Variants in CILP observed in about 807,000 individuals in gnomAD.
The protein encoded by CILP is cartilage intermediate layer protein 1.
In CILP, 75 loss-of-function variants were observed where a neutral mutation model predicts 82.5. That is an observed-to-expected ratio of 0.91 (90% CI 0.75 to 1.10). The LOEUF is 1.10. Ranked by LOEUF, CILP falls within the 50% of genes least tolerant of loss-of-function variation. The pLI is 0.00. For synonymous variants in CILP, 530 were observed against 580.3 expected (o/e 0.91, Z 1.25); for missense variants, 1,479 against 1,530.8 (o/e 0.97, Z 0.56).
rs117190294 is a variant in CILP at position 65,202,077 on chromosome 15, G to A, written c.1029-48C>T. The A allele has an allele frequency of 3.1e-4, 444 of 1,444,502 alleles. 1 individual carries two copies. Among genetic ancestry groups the A allele is most frequent in the East Asian group, 2.9e-3 (108 of 37,090 alleles). The allele number at this position is 1,444,502 out of a possible 1,614,324, so 89.5% of individuals were successfully genotyped here. Reference sequence around the variant, plus strand: ...ACCTGAATGGGCAGTGGGAGGGCAGGTATTCCTAGAAAAGTGCCAGGAGCA... The same window carrying A: ...ACCTGAATGGGCAGTGGGAGGGCAGATATTCCTAGAAAAGTGCCAGGAGCA... On this transcript the variant is annotated intron_variant, in intron 7 of 8. Coordinates refer to ENST00000261883, the MANE Select transcript of CILP (RefSeq NM_003613.4).
chr15:65,210,123 G>A (rs1474158019), intron 1 of CILP, among the ~76,000 whole-genome samples: 1 of 152,110 alleles, frequency 6.6e-6, no homozygotes, highest in African/African-American at 2.4e-5. Context: ...GCAGGGGCGA[G>A]GAGGTTCCTT....
chr15:65,206,502 T>A (rs931751007), intron 4 of CILP, among the ~76,000 whole-genome samples: 1 of 152,168 alleles, frequency 6.6e-6, no homozygotes, highest in Non-Finnish European at 1.5e-5. Context: ...GAGCCTGTGG[T>A]CTTCACCATG....
intron 8 of CILP, among the ~76,000 whole-genome samples, chr15:65,201,002 T>G (rs1235667348): frequency 9.3e-6 from 1 of 108,106 alleles, no homozygotes; most frequent in Admixed American, 9.1e-5. Flanking sequence ...TTTCTTTTCT[T>G]CTTCTTCTTT....
intron 4 of CILP, 49 bp from the exon 5 acceptor site, chr15:65,205,515 C>T (rs1338601487): frequency 6.6e-7 from 1 of 1,516,042 alleles, no homozygotes; most frequent in African/African-American, 1.4e-5. Flanking sequence ...TGAGGGAACT[C>T]TGTCAGGAAA....
In CILP at chr15:65,207,687, C is replaced by T; in HGVS notation, c.139G>A (p.Ala47Thr). ...CACAACTCACTCTCCAGGGTGTCGGCAGGCTTGGCAAAGATGCTGGGGTTC... is the reference window on the plus strand; with the variant it reads ...CACAACTCACTCTCCAGGGTGTCGGTAGGCTTGGCAAAGATGCTGGGGTTC... The part of the protein sequence containing the change: ...KKNPSIFAKP[A>T]DTLESPGEWT... The change falls in exon 3 of 9, where the codon GCC becomes ACC. Residue 47 changes from alanine (A) to threonine (T), a missense_variant. By Grantham distance (58) the Ala-to-Thr change is moderately conservative. Transcript: ENST00000261883. 6.2e-7 allele frequency: 1 copy of T among 1,614,140 alleles called. No homozygotes were observed. The highest frequency in any genetic ancestry group is 1.6e-4 in the Middle Eastern group (1 of 6,062).
Position 65,198,731 on chromosome 15 carries a change from T to G in CILP, c.1555A>C (p.Met519Leu), listed in dbSNP as rs776756867. The change falls in exon 9 of 9, where the codon ATG (methionine) becomes CTG (leucine). Residue 519 changes from methionine (M) to leucine (L), a missense_variant. Met to Leu is a conservative substitution (Grantham distance 15, BLOSUM62 2). Coordinates refer to ENST00000261883, the MANE Select transcript of CILP (RefSeq NM_003613.4). ...GTGAAAGTGCCCTTGTAGCCAGTCA[T>G]GCTTACACGGCTGTTCCCCATGTAC... ...HVYMGNSRVS[M>L]TGYKGTFTLH... is the part of the protein sequence containing the mutation. The G allele has an allele frequency of 1.2e-6, 2 of 1,614,084 alleles. No individual in the cohort carries two copies. Among genetic ancestry groups the G allele is most frequent in the Middle Eastern group, 1.6e-4 (1 of 6,084 alleles).
rs1319387503 is a variant in CILP at position 65,198,039 on chromosome 15, G to A, written c.2247C>T (p.Ser749=). ...CCCTCACCTTAACAAAGCACCGCCTGCTTTCAGGAACATCCAGGTTAAAGA... is the reference window on the plus strand; with the variant it reads ...CCCTCACCTTAACAAAGCACCGCCTACTTTCAGGAACATCCAGGTTAAAGA... The part of the protein sequence containing the change: ...RRLFNLDVPE[S]RRCFVKVRAY... Residue 749 remains serine, a synonymous_variant, in exon 9 of 9, where the codon AGC becomes AGT. Transcript: ENST00000261883. 1 of 1,614,228 alleles carries A rather than the reference G, an allele frequency of 6.2e-7. No homozygotes were observed. The highest frequency in any genetic ancestry group is 8.5e-7 in the Non-Finnish European group (1 of 1,180,040).
chr15:65,201,841 C>T (rs2088458942), intron 8 of CILP, 31 bp downstream of exon 8: 1 of 1,452,682 alleles, frequency 6.9e-7, no homozygotes, highest in Non-Finnish European at 9.1e-7. Flanking sequence ...TGTTGCAGAC[C>T]CAGGGGCCCC....
At position 65,198,434 on chromosome 15, in the gene CILP, C is replaced by T. The variant is rs1208182130; in HGVS notation, c.1852G>A (p.Gly618Arg). 1 of 1,614,218 alleles carries T rather than the reference C, an allele frequency of 6.2e-7. No individual in the cohort carries two copies. The highest frequency in any genetic ancestry group is 8.5e-7 in the Non-Finnish European group (1 of 1,180,032). ...AAGGTCACACTGGCCTTCACTTTTCCTATGTAGGGCTCCCCATTCTGCCTG... is the reference window on the plus strand; with the variant it reads ...AAGGTCACACTGGCCTTCACTTTTCTTATGTAGGGCTCCCCATTCTGCCTG... The part of the protein sequence containing the change: ...FYRQNGEPYI[G>R]KVKASVTFLD... Residue 618 changes from glycine (G) to arginine (R), a missense_variant, in exon 9 of 9, where the codon GGA becomes AGA. Coordinates refer to ENST00000261883, the MANE Select transcript of CILP (RefSeq NM_003613.4).
chr15:65,206,867 G>A lies in CILP; in HGVS notation c.339C>T (p.Pro113=). ...GSTGQVVHGS[P]REGFWCLNRE... ...TGTTGAGGCACCAGAAACCCTCACG[G>A]GGACTACCATGGACCACCTGGCCAG... Residue 113 remains proline, a synonymous_variant, in exon 4 of 9, where the codon CCC becomes CCT. Transcript: ENST00000261883. The A allele has an allele frequency of 6.2e-7, 1 of 1,614,054 alleles. No individual in the cohort carries two copies. Among genetic ancestry groups the A allele is most frequent in the Non-Finnish European group, 8.5e-7 (1 of 1,180,014 alleles).
At chr15:65,210,256 G>A (rs1402855406) in intron 1 of CILP, among the ~76,000 whole-genome samples, 1 of 152,162 alleles carries the variant, frequency 6.6e-6, no homozygotes, top group Non-Finnish European at 1.5e-5. Flanking sequence ...TCACACAGGC[G>A]GGTACATATT....
chr15:65,206,442 G>T (rs999718565), intron 4 of CILP, among the ~76,000 whole-genome samples: 1 of 152,108 alleles, frequency 6.6e-6, no homozygotes, highest in Non-Finnish European at 1.5e-5. Flanking sequence ...TTGTCTAGGG[G>T]ACACATCATA....
chr15:65,207,720 C>G lies in CILP; in HGVS notation c.106G>C (p.Gly36Arg). ...GCAAAGATGCTGGGGTTCTTCTTCCCAGGCTGGACTCTTCTTACTGACTGG... is the reference window on the plus strand; with the variant it reads ...GCAAAGATGCTGGGGTTCTTCTTCCGAGGCTGGACTCTTCTTACTGACTGG... ...LTQSVRRVQPGKKNPSIFAKP... is the reference protein window; with the variant it reads ...LTQSVRRVQPRKKNPSIFAKP... The change falls in exon 3 of 9, where the codon GGG (glycine) becomes CGG (arginine). Residue 36 changes from glycine (G) to arginine (R), a missense_variant. By Grantham distance (125) the Gly-to-Arg change is moderately radical (BLOSUM62 -2). Coordinates refer to ENST00000261883, the MANE Select transcript of CILP (RefSeq NM_003613.4). The G allele has an allele frequency of 6.2e-7, 1 of 1,614,180 alleles. No homozygotes were observed. The highest frequency in any genetic ancestry group is 1.1e-5 in the South Asian group (1 of 91,086).
chr15:65,202,835 T>C (rs1370288960), intron 7 of CILP, among the ~76,000 whole-genome samples: 1 of 21,840 alleles, frequency 4.6e-5, no homozygotes, highest in Non-Finnish European at 1.2e-4. Context: ...GGACCACAGC[T>C]TTTTTTTTTT....
chr15:65,205,082 C>T (rs973458473), intron 5 of CILP, among the ~76,000 whole-genome samples: 3 of 152,150 alleles, frequency 2.0e-5, no homozygotes, highest in African/African-American at 7.2e-5. Context: ...TCCTGGATTC[C>T]CCCAGGCTAT....
At chr15:65,207,893 T>C in intron 2 of CILP, 129 bp from the exon 3 acceptor site, 1 of 697,080 alleles carries the variant, frequency 1.4e-6, no homozygotes, top group Admixed American at 2.5e-5. Flanking sequence ...AACCCCACTC[T>C]GCTACTTATT....
chr15:65,203,506 T>TTG (rs151207881), intron 6 of CILP, 36 bp from the exon 7 acceptor site: 153 of 1,494,892 alleles, frequency 1.0e-4, no homozygotes, highest in Middle Eastern at 2.4e-4. Context: ...TTTTGGGTTT[T>TTG]TGTGTGTGTG....
In CILP at chr15:65,198,185, G is replaced by A; in HGVS notation, c.2101C>T (p.Leu701Phe). ...EHISTVKLWS[L>F]NPDTGLWEEE... ...TCCCACAGCCCTGTGTCTGGATTGA[G>A]TGACCAGAGTTTCACTGTGGATATG... The change falls in exon 9 of 9, where the codon CTC becomes TTC. Residue 701 changes from leucine to phenylalanine, a missense_variant. Physicochemically the swap from Leu to Phe is conservative, Grantham distance 22 (BLOSUM62 0). Coordinates refer to ENST00000261883, the MANE Select transcript of CILP (RefSeq NM_003613.4). 1 of 1,614,248 alleles carries A rather than the reference G, an allele frequency of 6.2e-7. No homozygotes were observed. Among genetic ancestry groups the A allele is most frequent in the East Asian group, 2.2e-5 (1 of 44,886 alleles).
Position 65,197,846 on chromosome 15 carries a change from C to T in CILP, c.2440G>A (p.Asp814Asn), listed in dbSNP as rs1360892633. 8.7e-6 allele frequency: 14 copies of T among 1,613,998 alleles called. No homozygotes were observed. The Admixed American group carries it at 2.3e-4, about 27-fold the overall frequency. Residue 814 changes from aspartate (D) to asparagine (N), a missense_variant, in exon 9 of 9, where the codon GAC becomes AAC. Physicochemically the swap from Asp to Asn is conservative, Grantham distance 23. Coordinates refer to ENST00000261883, the MANE Select transcript of CILP (RefSeq NM_003613.4). The part of the protein sequence containing the change: ...NGACVPAFCD[D>N]QSPDAYSAYV... ...GCAGAGTAGGCATCAGGGGACTGGTCATCACAGAAGGCAGGCACACAGGCC... is the reference window on the plus strand; with the variant it reads ...GCAGAGTAGGCATCAGGGGACTGGTTATCACAGAAGGCAGGCACACAGGCC...
Sources: gnomAD v4.1 joint callset for allele counts (sites outside exome capture counted in the v4.1 genomes callset) on GRCh38, gnomAD v4.1.1 for gene constraint, MANE v1.5 for transcripts, NCBI Gene and HGNC (gene_info 2026-07-23, HGNC 2026-07-21) for gene names.